Variants in GALNT5 observed in about 807,000 individuals in gnomAD.
The protein encoded by GALNT5 is polypeptide N-acetylgalactosaminyltransferase 5.
Under a neutral mutation model 85.4 loss-of-function variants are expected in GALNT5, and 72 were observed. The ratio of observed to expected loss-of-function variants is 0.84; its 90% confidence interval spans 0.70 to 1.03. GALNT5 has a LOEUF of 1.03. GALNT5 is among the 50% of genes least tolerant of loss of function. The pLI is 0.00. For missense variants in GALNT5, 1,137 were observed against 1,135.5 expected (o/e 1.00, Z -0.02); for synonymous variants, 404 against 397.0 (o/e 1.02, Z -0.21).
chr2:157,273,975 G>GC (rs977687324), intron 1 of GALNT5, among the ~76,000 whole-genome samples: 51 of 151,688 alleles, frequency 3.4e-4, no homozygotes, highest in Admixed American at 2.8e-3. Context: ...CCCTCCTCCA[G>GC]CCCCCCACCC....
At chr2:157,310,326 A>C (rs1032698468) in intron 9 of GALNT5, among the ~76,000 whole-genome samples, 1 of 152,230 alleles carries the variant, frequency 6.6e-6, no homozygotes, top group Middle Eastern at 3.4e-3. Context: ...AGTAGTTTTC[A>C]TGCTATTGCT....
At chr2:157,284,259 G>T (rs776352250) in intron 1 of GALNT5, 23 bp from the exon 2 acceptor site, 7 of 1,609,764 alleles carry the variant, frequency 4.3e-6, no homozygotes, top group Middle Eastern at 1.8e-4. Context: ...CATCTCTTGT[G>T]CTCTGCTTAT....
At chr2:157,276,853 C>A (rs1335963293) in intron 1 of GALNT5, among the ~76,000 whole-genome samples, 1 of 152,004 alleles carries the variant, frequency 6.6e-6, no homozygotes, top group Non-Finnish European at 1.5e-5. Context: ...TATTTCTTGC[C>A]TTCTGCTAGC....
chr2:157,301,051 ATCTCTTTC>A, intron 7 of GALNT5, 52 bp downstream of exon 7: 1 of 1,285,582 alleles, frequency 7.8e-7, no homozygotes, highest in Admixed American at 1.9e-5. Flanking sequence ...AAAACACAAA[ATCTCTTTC>A]AAAAATGTGT....
At chr2:157,292,220 G>A (rs1246242709) in intron 3 of GALNT5, among the ~76,000 whole-genome samples, 5 of 152,160 alleles carry the variant, frequency 3.3e-5, no homozygotes, top group African/African-American at 4.8e-5. Context: ...TTAATGCTAT[G>A]CTTATTTCAC....
chr2:157,290,112 T>TATATATATATATATATATATACACAC lies in GALNT5; in HGVS notation c.1741+3979_1741+3980insTATATATATATATATATATACACACA, dbSNP rs1416458086. On this transcript the variant is annotated intron_variant, in intron 3 of 9. Coordinates refer to ENST00000259056, the MANE Select transcript of GALNT5 (RefSeq NM_014568.3). ...GTATATATATATATATATATATATA[T>TATATATATATATATATATATACACAC]ACATACACAAACACATATATACATA... Among the ~76,000 whole-genome samples, 49 of 138,178 alleles carry TATATATATATATATATATATACACAC rather than the reference T, an allele frequency of 3.5e-4. 1 individual carries two copies. Among genetic ancestry groups the TATATATATATATATATATATACACAC allele is most frequent in the African/African-American group, 1.4e-3 (44 of 32,506 alleles). 90.7% of individuals were successfully genotyped at this position (138,178 alleles called of 152,430 possible).
chr2:157,303,428 G>A (rs528825974), intron 7 of GALNT5, among the ~76,000 whole-genome samples: 19 of 152,218 alleles, frequency 1.2e-4, no homozygotes, highest in South Asian at 1.0e-3. Flanking sequence ...TAAATTGTGC[G>A]GAATGTCTAC....
At chr2:157,291,563 A>G (rs895025107) in intron 3 of GALNT5, among the ~76,000 whole-genome samples, 1 of 152,024 alleles carries the variant, frequency 6.6e-6, no homozygotes, top group Non-Finnish European at 1.5e-5. Flanking sequence ...TACACTGGAT[A>G]TAAGTGGGGG....
chr2:157,261,685 T>C (rs1174077299), intron 1 of GALNT5, among the ~76,000 whole-genome samples: 3 of 152,232 alleles, frequency 2.0e-5, no homozygotes, highest in Admixed American at 6.5e-5. Flanking sequence ...AGAGGATAAA[T>C]CATTTTTTGT....
At chr2:157,267,997 T>C (rs186296888) in intron 1 of GALNT5, among the ~76,000 whole-genome samples, 2 of 152,356 alleles carry the variant, frequency 1.3e-5, no homozygotes, top group Admixed American at 1.3e-4. Flanking sequence ...TCTTCAGCTG[T>C]GTGCTCAATT....
At chr2:157,268,319 G>C (rs1396655277) in intron 1 of GALNT5, among the ~76,000 whole-genome samples, 1 of 152,100 alleles carries the variant, frequency 6.6e-6, no homozygotes, top group Non-Finnish European at 1.5e-5. Flanking sequence ...CAGGAGGGTG[G>C]GACGCATCAC....
rs780319135 is a variant in GALNT5 at position 157,296,442 on chromosome 2, G to A, written c.1926G>A (p.Met642Ile). The change falls in exon 5 of 10, where the codon ATG (methionine) becomes ATA (isoleucine). Residue 642 changes from methionine to isoleucine, a missense_variant. By Grantham distance (10) the Met-to-Ile change is conservative (BLOSUM62 1). Coordinates refer to ENST00000259056, the MANE Select transcript of GALNT5 (RefSeq NM_014568.3). ...NFQRGIFVWP[M>I]NFGWRTIPPD... ...AAAGAGGCATCTTTGTGTGGCCCAT[G>A]AACTTTGGTTGGAGAACAATTCCTC... is the stretch of plus-strand genomic sequence containing the variant. 1 of 1,608,906 alleles carries A rather than the reference G, an allele frequency of 6.2e-7. No individual in the cohort carries two copies. Among genetic ancestry groups the A allele is most frequent in the Non-Finnish European group, 8.5e-7 (1 of 1,175,416 alleles).
At chr2:157,299,460 A>T (rs767469729) in intron 5 of GALNT5, 88 bp from the exon 6 acceptor site, 57 of 747,126 alleles carry the variant, frequency 7.6e-5, no homozygotes, top group Non-Finnish European at 1.2e-4. Context: ...AAAGCCTCCT[A>T]CCTCCCGTAC....
At chr2:157,283,917 C>A (rs557783796) in intron 1 of GALNT5, among the ~76,000 whole-genome samples, 2 of 152,240 alleles carry the variant, frequency 1.3e-5, no homozygotes, top group African/African-American at 4.8e-5. Context: ...GGTTAAAGAC[C>A]TGAGAAATAT....
At chr2:157,309,328 AC>A (rs1263070124) in intron 9 of GALNT5, among the ~76,000 whole-genome samples, 3 of 152,208 alleles carry the variant, frequency 2.0e-5, no homozygotes, top group Non-Finnish European at 2.9e-5. Flanking sequence ...GAGTATTTAT[AC>A]CACAGAAATT....
rs763746328 is a variant in GALNT5, at chr2:157,318,210, G to A, written c.*6862G>A. Among the ~76,000 whole-genome samples the A allele has an allele frequency of 3.3e-5, 5 of 151,696 alleles. No individual in the cohort carries two copies. The highest frequency in any genetic ancestry group is 1.9e-4 in the East Asian group (1 of 5,166). On this transcript the variant is annotated 3_prime_UTR_variant, in exon 10 of 10. Transcript: ENST00000259056. ...ATCACATTGAAAAACTTAAATGTCCGTTCTCCATTTGAAAATATGCCAAAA... is the reference window on the plus strand; with the variant it reads ...ATCACATTGAAAAACTTAAATGTCCATTCTCCATTTGAAAATATGCCAAAA...
intron 3 of GALNT5, among the ~76,000 whole-genome samples, chr2:157,292,426 C>T (rs1683120521): frequency 6.6e-6 from 1 of 152,186 alleles, no homozygotes; most frequent in South Asian, 2.1e-4. Flanking sequence ...GAGGATTCTC[C>T]TCTTCCCCAA....
At chr2:157,284,974 C>A (rs1682939903) in intron 2 of GALNT5, among the ~76,000 whole-genome samples, 1 of 152,178 alleles carries the variant, frequency 6.6e-6, no homozygotes, top group Non-Finnish European at 1.5e-5. Context: ...CAGAATCCAC[C>A]ATAGCCTTTA....
chr2:157,268,716 G>A (rs763920495), intron 1 of GALNT5, among the ~76,000 whole-genome samples: 1 of 152,162 alleles, frequency 6.6e-6, no homozygotes, highest in African/African-American at 2.4e-5. Context: ...GCAGGATAGT[G>A]AAACTCCCCA....
Sources: gnomAD v4.1 joint callset for allele counts (sites outside exome capture counted in the v4.1 genomes callset) on GRCh38, gnomAD v4.1.1 for gene constraint, MANE v1.5 for transcripts, NCBI Gene and HGNC (gene_info 2026-07-23, HGNC 2026-07-21) for gene names.